NKAIN3: variants seen among roughly 807,000 people sequenced by gnomAD.
NKAIN3 encodes the protein sodium/potassium-transporting ATPase subunit beta-1-interacting protein 3.
NKAIN3 carries 25 observed loss-of-function variants against 30.2 expected under a neutral mutation model. The ratio of observed to expected loss-of-function variants is 0.83; its 90% confidence interval spans 0.60 to 1.16. The LOEUF (loss-of-function observed/expected upper bound fraction) is 1.16. NKAIN3 is among the 50% of genes most tolerant of loss of function. The probability of loss-of-function intolerance (pLI) is 0.00; values close to 1 mark genes in which losing one functional copy is unlikely to be tolerated. For synonymous variants in NKAIN3, 91 were observed against 89.6 expected, an observed-to-expected ratio of 1.02 and a Z score of -0.09; for missense variants, 225 against 254.1, an observed-to-expected ratio of 0.89 and a Z score of 0.78.
intron 1 of NKAIN3, among the ~76,000 whole-genome samples, chr8:62,577,448 C>A (rs966827351): frequency 7.2e-6 from 1 of 139,642 alleles, no homozygotes; most frequent in African/African-American, 2.6e-5. Context: ...TTTAAAATAG[C>A]GTGGGTGTTT....
rs948457553 is a variant in NKAIN3, at chr8:62,970,368, G to T, written c.*4961G>T. On this transcript the variant is annotated 3_prime_UTR_variant, in exon 7 of 7. Coordinates refer to ENST00000623646, the MANE Select transcript of NKAIN3 (RefSeq NM_001304533.3). ...ATCTGAAAAAGCTTAGTTTCTTATT[G>T]AAGACTAAAAAGAAAAATGCCACTT... 1.2e-4 allele frequency among the ~76,000 whole-genome samples: 19 copies of T among 152,080 alleles called. No individual in the cohort carries two copies. The highest frequency in any genetic ancestry group is 3.2e-3 in the Middle Eastern group (1 of 316).
At chr8:62,843,308 T>C (rs1048895318) in intron 4 of NKAIN3, among the ~76,000 whole-genome samples, 8 of 149,342 alleles carry the variant, frequency 5.4e-5, no homozygotes, top group African/African-American at 2.0e-4. Context: ...CTTTTTTTAA[T>C]TAATTAATTA....
At chr8:62,792,597 C>T (rs1271104439) in intron 4 of NKAIN3, among the ~76,000 whole-genome samples, 2 of 12,536 alleles carry the variant, frequency 1.6e-4, no homozygotes, top group African/African-American at 2.4e-4. Flanking sequence ...GTAAGACAGA[C>T]CTTCAACAGG....
intron 1 of NKAIN3, among the ~76,000 whole-genome samples, chr8:62,302,704 T>G (rs1255980840): frequency 6.6e-6 from 1 of 152,016 alleles, no homozygotes; most frequent in Non-Finnish European, 1.5e-5. Flanking sequence ...GTTTCAGAGG[T>G]GAAAAAGCTG....
At chr8:62,306,797 C>G (rs1273408485) in intron 1 of NKAIN3, among the ~76,000 whole-genome samples, 1 of 149,240 alleles carries the variant, frequency 6.7e-6, no homozygotes, top group Non-Finnish European at 1.5e-5. Flanking sequence ...ACCATCTTAG[C>G]CTAATGCCAT....
At chr8:62,794,806 G>A (rs1436894481) in intron 4 of NKAIN3, among the ~76,000 whole-genome samples, 5 of 152,146 alleles carry the variant, frequency 3.3e-5, no homozygotes, top group East Asian at 1.9e-4. Context: ...CCTGACACAC[G>A]GACTGTGAGT....
chr8:62,928,655 A>G (rs562505798), intron 5 of NKAIN3, among the ~76,000 whole-genome samples: 3 of 152,310 alleles, frequency 2.0e-5, no homozygotes, highest in East Asian at 3.9e-4. Context: ...CTGGCCCCCA[A>G]ATTACTTCCA....
chr8:62,848,369 T>TA (rs1484329193), intron 4 of NKAIN3, among the ~76,000 whole-genome samples: 6 of 152,284 alleles, frequency 3.9e-5, no homozygotes, highest in Admixed American at 1.3e-4. Context: ...TAGTTCTTCT[T>TA]AAAAATATCC....
At chr8:62,609,427 G>A (rs1454710844) in intron 3 of NKAIN3, among the ~76,000 whole-genome samples, 3 of 152,098 alleles carry the variant, frequency 2.0e-5, no homozygotes, top group Non-Finnish European at 4.4e-5. Flanking sequence ...TTTAAAATGA[G>A]TTCCAACTCA....
At chr8:62,359,853 G>A (rs1409257073) in intron 1 of NKAIN3, among the ~76,000 whole-genome samples, 1 of 152,166 alleles carries the variant, frequency 6.6e-6, no homozygotes, top group African/African-American at 2.4e-5. Flanking sequence ...TCTATTTCTT[G>A]TGTAAAAAGT....
intron 4 of NKAIN3, among the ~76,000 whole-genome samples, chr8:62,839,826 C>T (rs1586254893): frequency 2.6e-5 from 4 of 151,970 alleles, no homozygotes; most frequent in African/African-American, 7.2e-5. Flanking sequence ...GTTGCCCTGG[C>T]TGGTCTCGAA....
Position 62,532,599 on chromosome 8 carries a change from T to C in NKAIN3, c.55-46940T>C, listed in dbSNP as rs181689335. On this transcript the variant is annotated intron_variant, in intron 1 of 6. Coordinates refer to ENST00000623646, the MANE Select transcript of NKAIN3 (RefSeq NM_001304533.3). ...CATGGCTTCATAGTGGGTTTGTTGG[T>C]CTCAGCATTTTAGCAATATCTGGAT... Among the ~76,000 whole-genome samples, 320 of 152,354 alleles carry C rather than the reference T, an allele frequency of 2.1e-3. 2 individuals are homozygous for C. Among genetic ancestry groups the C allele is most frequent in the African/African-American group, 6.9e-3 (287 of 41,600 alleles).
At chr8:62,562,965 G>T (rs560027797) in intron 1 of NKAIN3, among the ~76,000 whole-genome samples, 2 of 152,002 alleles carry the variant, frequency 1.3e-5, no homozygotes, top group South Asian at 4.2e-4. Flanking sequence ...TGCCATTTAC[G>T]TAAAACCACT....
chr8:62,279,756 A>G (rs896824784), intron 1 of NKAIN3, among the ~76,000 whole-genome samples: 8 of 152,206 alleles, frequency 5.3e-5, no homozygotes, highest in African/African-American at 1.9e-4. Context: ...TACCAGTACC[A>G]TGCTGTTTTG....
intron 1 of NKAIN3, 42 bp downstream of exon 1, chr8:62,249,169 TC>T: frequency 6.8e-7 from 1 of 1,480,046 alleles, no homozygotes; most frequent in Non-Finnish European, 9.0e-7. Context: ...AGGTCCCTGC[TC>T]CAGGACCGGC....
intron 1 of NKAIN3, among the ~76,000 whole-genome samples, chr8:62,266,075 T>A (rs1033103423): frequency 1.3e-5 from 2 of 152,208 alleles, no homozygotes; most frequent in Non-Finnish European, 2.9e-5. Flanking sequence ...CACTCTTCTC[T>A]GTCCTATGTT....
chr8:62,928,543 C>T (rs908149044), intron 5 of NKAIN3, among the ~76,000 whole-genome samples: 9 of 152,166 alleles, frequency 5.9e-5, no homozygotes, highest in Non-Finnish European at 1.2e-4. Flanking sequence ...TCACTAAGCC[C>T]GTTTGTTTGT....
chr8:62,845,052 C>T (rs1023370976), intron 4 of NKAIN3, among the ~76,000 whole-genome samples: 2 of 151,632 alleles, frequency 1.3e-5, no homozygotes, highest in Non-Finnish European at 2.9e-5. Flanking sequence ...AACCGTAAAT[C>T]ATCAAAGAAC....
Position 62,280,502 on chromosome 8 carries a change from G to C in NKAIN3, c.54+31375G>C, listed in dbSNP as rs181147148. ...TTTTTGCCCATTCAGTATGATATTG[G>C]CTGTGGGTTTCTCATAAATAGCTCT... On this transcript the variant is annotated intron_variant, in intron 1 of 6. Coordinates refer to ENST00000623646, the MANE Select transcript of NKAIN3 (RefSeq NM_001304533.3). Among the ~76,000 whole-genome samples, 384 of 152,188 alleles carry C rather than the reference G, an allele frequency of 2.5e-3. 2 individuals carry two copies. The highest frequency in any genetic ancestry group is 8.9e-3 in the African/African-American group (369 of 41,512).
Sources: allele counts gnomAD v4.1 joint callset (sites outside exome capture counted in the v4.1 genomes callset), GRCh38; gene constraint gnomAD v4.1.1; transcripts MANE v1.5; gene names NCBI Gene and HGNC (gene_info 2026-07-23, HGNC 2026-07-21).